Variants in TSPAN14 observed in about 807,000 individuals in gnomAD.
TSPAN14 encodes tetraspanin-14.
A neutral mutation model predicts 36.6 loss-of-function variants in TSPAN14; 16 were observed. The observed-to-expected ratio is 0.44, with a 90% confidence interval of 0.30 to 0.66. The LOEUF (loss-of-function observed/expected upper bound fraction) is 0.66. TSPAN14 is among the 30% of genes least tolerant of loss of function. The pLI is 0.12. For synonymous variants in TSPAN14, 139 were observed against 143.8 expected, an observed-to-expected ratio of 0.97 and a Z score of 0.24; for missense variants, 231 against 355.1, an observed-to-expected ratio of 0.65 and a Z score of 2.81.
intron 1 of TSPAN14, among the ~76,000 whole-genome samples, chr10:80,478,824 C>T (rs1481140274): frequency 6.6e-6 from 1 of 152,158 alleles, no homozygotes; most frequent in Non-Finnish European, 1.5e-5. Context: ...GAGGTCGAGA[C>T]CAGCCTGGCC....
At chr10:80,471,946 G>A (rs1179800156) in intron 1 of TSPAN14, among the ~76,000 whole-genome samples, 1 of 152,198 alleles carries the variant, frequency 6.6e-6, no homozygotes, top group Non-Finnish European at 1.5e-5. Flanking sequence ...GGAGCCCGAG[G>A]CAGTAGGATG....
chr10:80,509,579 G>T lies in TSPAN14; in HGVS notation c.450+108G>T. On this transcript the variant is annotated intron_variant, in intron 5 of 8. Transcript: ENST00000429989. This position sits in a 1 kb window ranked among gnomAD's most constrained non-coding sequence, Gnocchi z 4.7. ...CTTCTCTGTGGGTTGTCTGCCTGCA[G>T]CTTGGCAGACAGCAGGGAGGCCGTG... 8.1e-7 allele frequency: 1 copy of T among 1,229,416 alleles called. No individual in the cohort carries two copies. The highest frequency in any genetic ancestry group is 1.1e-6 in the Non-Finnish European group (1 of 883,200). The allele number at this position is 1,229,416 out of a possible 1,614,324, so 76.2% of individuals were successfully genotyped here. A position where few individuals can be genotyped will look rare whatever the true frequency, so the allele number is the denominator to read the frequency against.
At chr10:80,466,513 G>A (rs910009578) in intron 1 of TSPAN14, 1 of 152,070 alleles carries the variant, frequency 6.6e-6, no homozygotes, top group African/African-American at 2.4e-5. Context: ...CGTCTGCCTC[G>A]GACTCCCAAA....
chr10:80,470,869 G>C (rs1197252346), intron 1 of TSPAN14, among the ~76,000 whole-genome samples: 1 of 152,048 alleles, frequency 6.6e-6, no homozygotes, highest in Non-Finnish European at 1.5e-5. Context: ...TGCACTGAAG[G>C]CTCTGTTAAT....
chr10:80,511,756 C>A (rs1045024975), intron 5 of TSPAN14, among the ~76,000 whole-genome samples: 1 of 138,396 alleles, frequency 7.2e-6, no homozygotes, highest in African/African-American at 2.7e-5. Context: ...CTCTCTCTCT[C>A]TCTCTCTCTC....
intron 3 of TSPAN14, among the ~76,000 whole-genome samples, chr10:80,506,801 T>G (rs1376433240): frequency 1.3e-5 from 2 of 152,036 alleles, no homozygotes; most frequent in Admixed American, 6.5e-5. Context: ...TCTACTAGAG[T>G]GTTCATATTG....
intron 2 of TSPAN14, among the ~76,000 whole-genome samples, chr10:80,489,664 T>A (rs1294009677): frequency 6.6e-6 from 1 of 152,236 alleles, no homozygotes; most frequent in Non-Finnish European, 1.5e-5. Flanking sequence ...CATCTGACTA[T>A]GGGCCAGGCC....
chr10:80,521,905 A>G (rs1205039015), exon 9 of TSPAN14: 1 of 141,578 alleles, frequency 7.1e-6, no homozygotes, highest in East Asian at 2.0e-4. Context: ...GCCTGGGCTC[A>G]AAAAAGAAAA....
chr10:80,492,014 T>G (rs946874187), intron 2 of TSPAN14, among the ~76,000 whole-genome samples: 2 of 152,092 alleles, frequency 1.3e-5, no homozygotes, highest in Non-Finnish European at 2.9e-5. Flanking sequence ...GCTCACGGTG[T>G]AGCAGGAGGG....
exon 2 of TSPAN14, chr10:80,489,253 C>A: frequency 6.3e-7 from 1 of 1,584,990 alleles, no homozygotes; most frequent in Non-Finnish European, 8.6e-7. Flanking sequence ...TATAGATACT[C>A]TAACGCCAAG....
At chr10:80,470,313 G>A (rs1388361967) in intron 1 of TSPAN14, among the ~76,000 whole-genome samples, 2 of 152,172 alleles carry the variant, frequency 1.3e-5, no homozygotes, top group Non-Finnish European at 2.9e-5. Flanking sequence ...TTGAACTTCT[G>A]ACCTCAGGTG....
At chr10:80,472,454 C>G (rs1564714992) in intron 1 of TSPAN14, among the ~76,000 whole-genome samples, 1 of 152,158 alleles carries the variant, frequency 6.6e-6, no homozygotes, top group Non-Finnish European at 1.5e-5. Flanking sequence ...CTGGGTTTCT[C>G]CCCTCTAAGT....
exon 9 of TSPAN14, chr10:80,520,825 A>C (rs1841232852): frequency 1.9e-6 from 1 of 533,188 alleles, no homozygotes; most frequent in Non-Finnish European, 3.8e-6. Context: ...CAGCCTCTGT[A>C]GCACCAGACA....
chr10:80,472,139 A>G (rs2131974426), intron 1 of TSPAN14, among the ~76,000 whole-genome samples: 3 of 152,306 alleles, frequency 2.0e-5, no homozygotes, highest in African/African-American at 7.2e-5. Context: ...CCCTGTCTCA[A>G]AAACGTAAAA....
In TSPAN14 at chr10:80,517,794, T is replaced by TG. The variant is rs921628884; in HGVS notation, c.742-105dup. ...CTGTCTCTACGTCTTCAGTCGCAGC[T>TG]GGGGGGTGAGGAGAGGCGTGCAGTG... On this transcript the variant is annotated intron_variant, in intron 8 of 8. Coordinates refer to ENST00000429989, the Ensembl canonical transcript of TSPAN14. 89 of 1,036,830 alleles carry TG rather than the reference T, an allele frequency of 8.6e-5. No homozygotes were observed. The African/African-American group carries it at 1.2e-3, about 14-fold the overall frequency. 64.2% of individuals were successfully genotyped at this position (1,036,830 alleles called of 1,614,324 possible).
At chr10:80,498,367 G>T (rs1564734924) in intron 2 of TSPAN14, among the ~76,000 whole-genome samples, 1 of 152,134 alleles carries the variant, frequency 6.6e-6, no homozygotes, top group Non-Finnish European at 1.5e-5. Context: ...GAGAGGGATG[G>T]CTTCCTCGAG....
intron 1 of TSPAN14, among the ~76,000 whole-genome samples, chr10:80,488,527 AGT>A (rs1409106586): frequency 1.6e-4 from 23 of 141,564 alleles, no homozygotes; most frequent in Admixed American, 1.6e-3. Flanking sequence ...GTTGAGGTGG[AGT>A]GGGGGGCGAG....
rs570081548 is a variant in TSPAN14, at chr10:80,488,803, C to T, written c.-17-414C>T. Among the ~76,000 whole-genome samples the T allele has an allele frequency of 1.8e-4, 27 of 152,244 alleles. No individual in the cohort carries two copies. The South Asian group carries it at 5.6e-3, about 32-fold the overall frequency. On this transcript the variant is annotated intron_variant, in intron 1 of 8. Transcript: ENST00000429989. ...GAACGTGGACTGTGAAGTCCCCTGT[C>T]CTTGGTTCCAATCCTGGGCTGTCAT...
chr10:80,517,778 C>T (rs974946791), intron 8 of TSPAN14, 127 bp from the exon 9 acceptor site: 8 of 890,690 alleles, frequency 9.0e-6, no homozygotes, highest in South Asian at 3.1e-5. Context: ...GCTGTCTCTA[C>T]GTCTTCAGTC....
Sources: gnomAD v4.1 joint callset for allele counts (sites outside exome capture counted in the v4.1 genomes callset) on GRCh38, gnomAD v4.1.1 for gene constraint, Gnocchi (gnomAD v3.1) non-coding constraint, MANE v1.5 for transcripts, NCBI Gene and HGNC (gene_info 2026-07-23, HGNC 2026-07-21) for gene names.